Variants in CLSTN2 observed in about 807,000 individuals in gnomAD.
The protein encoded by CLSTN2 is calsyntenin-2.
In CLSTN2, 48 loss-of-function variants were observed where a neutral mutation model predicts 101.2. The observed-to-expected ratio is 0.47, with a 90% CI of 0.38 to 0.60. The LOEUF (loss-of-function observed/expected upper bound fraction) is 0.60. Among genes scored for constraint, CLSTN2 ranks in the 20% least tolerant of loss-of-function variants. The pLI is 0.00. For missense variants in CLSTN2, 1,160 were observed against 1,238.2 expected (o/e 0.94, Z 0.95); for synonymous variants, 481 against 463.6 (o/e 1.04, Z -0.48).
At chr3:140,316,138 C>T (rs1349344436) in intron 2 of CLSTN2, among the ~76,000 whole-genome samples, 1 of 152,150 alleles carries the variant, frequency 6.6e-6, no homozygotes, top group Non-Finnish European at 1.5e-5. Flanking sequence ...TGAAACCCAG[C>T]CATGCTCTTT....
intron 1 of CLSTN2, among the ~76,000 whole-genome samples, chr3:140,056,196 C>T (rs966872699): frequency 1.3e-5 from 2 of 152,242 alleles, no homozygotes; most frequent in East Asian, 1.9e-4. Flanking sequence ...AGGGAGCTCT[C>T]GTGGATGGCT....
chr3:140,473,402 T>C (rs1482717130), intron 8 of CLSTN2, among the ~76,000 whole-genome samples: 5 of 152,212 alleles, frequency 3.3e-5, no homozygotes, highest in Non-Finnish European at 7.3e-5. Context: ...CAAGACGGTG[T>C]TCGCATATGT....
intron 1 of CLSTN2, among the ~76,000 whole-genome samples, chr3:140,004,284 T>C (rs2006910645): frequency 6.6e-6 from 1 of 152,246 alleles, no homozygotes; most frequent in Non-Finnish European, 1.5e-5. Flanking sequence ...AGCTAATAAA[T>C]TGGAAAGTGA....
chr3:140,346,456 A>G (rs2087546633), intron 2 of CLSTN2, among the ~76,000 whole-genome samples: 1 of 152,030 alleles, frequency 6.6e-6, no homozygotes. Context: ...GTGTAACTAT[A>G]CCCTGTTCTG....
chr3:140,193,646 T>C (rs1163766928), intron 2 of CLSTN2, among the ~76,000 whole-genome samples: 3 of 152,134 alleles, frequency 2.0e-5, no homozygotes, highest in Admixed American at 2.0e-4. Flanking sequence ...TCTCTGGTGT[T>C]TGTTCAACTA....
intron 2 of CLSTN2, among the ~76,000 whole-genome samples, chr3:140,268,092 A>AAAG (rs2086711434): frequency 6.6e-6 from 1 of 152,162 alleles, no homozygotes; most frequent in Non-Finnish European, 1.5e-5. Flanking sequence ...TTGGAGGCGA[A>AAAG]AAGAGCTATC....
intron 2 of CLSTN2, among the ~76,000 whole-genome samples, chr3:140,255,225 C>T (rs373954505): frequency 6.6e-6 from 1 of 152,188 alleles, no homozygotes; most frequent in Admixed American, 6.5e-5. Context: ...GTTCAGCCAT[C>T]GTGGAAAGCA....
intron 8 of CLSTN2, among the ~76,000 whole-genome samples, chr3:140,485,328 G>T (rs1010759309): frequency 6.6e-6 from 1 of 152,328 alleles, no homozygotes; most frequent in South Asian, 2.1e-4. Flanking sequence ...TTTTGTCTCA[G>T]AGGGGTACCC....
chr3:140,141,204 C>A, intron 1 of CLSTN2, among the ~76,000 whole-genome samples: 1 of 152,226 alleles, frequency 6.6e-6, no homozygotes, highest in Non-Finnish European at 1.5e-5. Flanking sequence ...AGGTGGGGAT[C>A]TCTGCTTCTG....
intron 2 of CLSTN2, among the ~76,000 whole-genome samples, chr3:140,183,666 A>T (rs1047692964): frequency 6.6e-6 from 1 of 152,176 alleles, no homozygotes; most frequent in Non-Finnish European, 1.5e-5. Context: ...GTAGAGAAAA[A>T]GGTGGATTTC....
chr3:139,991,068 A>C (rs1172584693), intron 1 of CLSTN2, among the ~76,000 whole-genome samples: 1 of 152,218 alleles, frequency 6.6e-6, no homozygotes. Context: ...GAAATCATGA[A>C]AGTATCATGC....
At chr3:139,970,852 G>T (rs1009426673) in intron 1 of CLSTN2, among the ~76,000 whole-genome samples, 3 of 152,216 alleles carry the variant, frequency 2.0e-5, no homozygotes, top group Non-Finnish European at 4.4e-5. Context: ...TATATGTAAT[G>T]ATGGGATTCA....
At chr3:140,350,517 G>A (rs1390587616) in intron 2 of CLSTN2, among the ~76,000 whole-genome samples, 2 of 152,144 alleles carry the variant, frequency 1.3e-5, no homozygotes, top group African/African-American at 2.4e-5. Context: ...GTAAAACACT[G>A]AAGAACATAC....
chr3:140,321,486 G>A (rs1322779649), intron 2 of CLSTN2, among the ~76,000 whole-genome samples: 1 of 152,166 alleles, frequency 6.6e-6, no homozygotes, highest in Non-Finnish European at 1.5e-5. Context: ...ACACCCTCAG[G>A]TGTGGATTCA....
intron 8 of CLSTN2, among the ~76,000 whole-genome samples, chr3:140,474,062 C>A (rs1345019184): frequency 6.6e-6 from 1 of 152,210 alleles, no homozygotes; most frequent in South Asian, 2.1e-4. Flanking sequence ...GCATAAGCCA[C>A]CACGCCTGGC....
At chr3:140,413,377 G>A (rs1309787087) in intron 4 of CLSTN2, among the ~76,000 whole-genome samples, 1 of 152,128 alleles carries the variant, frequency 6.6e-6, no homozygotes. Context: ...GACCAATAAT[G>A]AGTAGGAAGA....
intron 8 of CLSTN2, among the ~76,000 whole-genome samples, chr3:140,470,202 G>A (rs921662684): frequency 6.6e-6 from 1 of 152,242 alleles, no homozygotes; most frequent in Non-Finnish European, 1.5e-5. Flanking sequence ...TGTGCTCTAG[G>A]CTCTGTGTGG....
At chr3:140,394,169 T>A (rs1208671106) in intron 2 of CLSTN2, among the ~76,000 whole-genome samples, 1 of 152,116 alleles carries the variant, frequency 6.6e-6, no homozygotes, top group Non-Finnish European at 1.5e-5. Flanking sequence ...CTTACTACAT[T>A]CTCAGTTTTT....
At chr3:140,130,033 A>G (rs577634705) in intron 1 of CLSTN2, among the ~76,000 whole-genome samples, 16 of 152,346 alleles carry the variant, frequency 1.1e-4, no homozygotes, top group African/African-American at 3.4e-4. Flanking sequence ...GCAAAGTGCT[A>G]GTGGGATGGA....
Sources: allele counts gnomAD v4.1 joint callset (sites outside exome capture counted in the v4.1 genomes callset), GRCh38; gene constraint gnomAD v4.1.1; transcripts MANE v1.5; gene names NCBI Gene and HGNC (gene_info 2026-07-23, HGNC 2026-07-21).